STXBP5L: variants seen among roughly 807,000 people sequenced by gnomAD.
The protein encoded by STXBP5L is syntaxin binding protein 5L.
STXBP5L carries 65 observed loss-of-function variants against 144.5 expected under a neutral mutation model. The observed-to-expected ratio is 0.45, with a 90% CI of 0.37 to 0.55. The LOEUF (loss-of-function observed/expected upper bound fraction) is 0.55, where lower values mean the gene tolerates loss of function less well. STXBP5L is among the 20% of genes least tolerant of loss of function. The pLI is 0.00. For missense variants in STXBP5L, 1,298 were observed against 1,405.5 expected (o/e 0.92, Z 1.22); for synonymous variants, 505 against 469.6 (o/e 1.08, Z -0.97).
At chr3:121,212,801 G>A (rs539982760) in intron 10 of STXBP5L, among the ~76,000 whole-genome samples, 1 of 152,228 alleles carries the variant, frequency 6.6e-6, no homozygotes, top group South Asian at 2.1e-4. Flanking sequence ...AAAGTATTTT[G>A]AGCAGTGTGG....
At chr3:121,127,921 G>A (rs59839814) in intron 7 of STXBP5L, among the ~76,000 whole-genome samples, 183 of 151,884 alleles carry the variant, frequency 1.2e-3, no homozygotes, top group African/African-American at 4.2e-3. Flanking sequence ...TAATTTCCTC[G>A]TATGATGATG....
At chr3:121,209,385 A>G (rs1314316903) in intron 10 of STXBP5L, among the ~76,000 whole-genome samples, 1 of 151,944 alleles carries the variant, frequency 6.6e-6, no homozygotes, top group Non-Finnish European at 1.5e-5. Flanking sequence ...TACACTCCCA[A>G]CAACACTGTA....
intron 22 of STXBP5L, among the ~76,000 whole-genome samples, chr3:121,389,931 T>C (rs1260565979): frequency 6.6e-6 from 1 of 152,216 alleles, no homozygotes; most frequent in Non-Finnish European, 1.5e-5. Context: ...GTTCAAGTCC[T>C]GGATATCCTT....
chr3:120,973,740 G>A (rs1044155122), intron 3 of STXBP5L, among the ~76,000 whole-genome samples: 4 of 140,316 alleles, frequency 2.9e-5, no homozygotes, highest in Non-Finnish European at 6.0e-5. Context: ...TCCCCTTCCT[G>A]TGTCCATGTG....
At chr3:121,067,703 C>T (rs28790007) in intron 5 of STXBP5L, among the ~76,000 whole-genome samples, 1 of 152,020 alleles carries the variant, frequency 6.6e-6, no homozygotes, top group Non-Finnish European at 1.5e-5. Context: ...TAAGAGAGGA[C>T]CGTTAAAAGC....
chr3:121,246,678 A>G (rs1159488433), intron 14 of STXBP5L, among the ~76,000 whole-genome samples: 1 of 152,210 alleles, frequency 6.6e-6, no homozygotes, highest in Non-Finnish European at 1.5e-5. Flanking sequence ...AAAACTGAAA[A>G]CAACCCAAAT....
At chr3:121,087,185 A>G (rs931135135) in intron 5 of STXBP5L, among the ~76,000 whole-genome samples, 2 of 152,104 alleles carry the variant, frequency 1.3e-5, no homozygotes, top group African/African-American at 4.8e-5. Flanking sequence ...ATTCTGTAAA[A>G]GTTGATTAGA....
At chr3:121,228,516 G>A (rs2049194294) in intron 11 of STXBP5L, among the ~76,000 whole-genome samples, 1 of 152,198 alleles carries the variant, frequency 6.6e-6, no homozygotes, top group African/African-American at 2.4e-5. Flanking sequence ...TTGTAATTCA[G>A]AGGATGGTTG....
rs551072721 is a variant in STXBP5L at position 121,283,780 on chromosome 3, A to T, written c.2110+3824A>T. ...ACCCATCCTCTGCACCACATAAAGG[A>T]TTTCAGCCAAAACCTTTCTGTAAAT... On this transcript the variant is annotated intron_variant, in intron 19 of 26. Transcript: ENST00000471454. 4.6e-5 allele frequency among the ~76,000 whole-genome samples: 7 copies of T among 151,994 alleles called. No homozygotes were observed. The South Asian group carries it at 1.5e-3, about 32-fold the overall frequency.
chr3:120,969,709 T>G (rs1234179598), intron 3 of STXBP5L, among the ~76,000 whole-genome samples: 4 of 152,218 alleles, frequency 2.6e-5, no homozygotes, highest in Admixed American at 6.5e-5. Flanking sequence ...TATATTGACT[T>G]GATTTTTGTG....
At chr3:121,372,744 C>T (rs1256338962) in intron 20 of STXBP5L, among the ~76,000 whole-genome samples, 10 of 152,022 alleles carry the variant, frequency 6.6e-5, no homozygotes, top group African/African-American at 2.2e-4. Flanking sequence ...ATCCTGGTCT[C>T]TTGGTGGGAG....
intron 9 of STXBP5L, among the ~76,000 whole-genome samples, chr3:121,171,882 CT>C (rs1420670516): frequency 6.6e-6 from 1 of 152,158 alleles, no homozygotes; most frequent in Non-Finnish European, 1.5e-5. Flanking sequence ...AAAAAAGAGC[CT>C]GTATAGCCAA....
chr3:120,981,698 C>T (rs942020289), intron 3 of STXBP5L, among the ~76,000 whole-genome samples: 3 of 152,120 alleles, frequency 2.0e-5, no homozygotes, highest in African/African-American at 7.2e-5. Flanking sequence ...TGAATAAGAT[C>T]CATTGCTAGA....
At chr3:121,328,484 C>CA (rs1223948278) in intron 20 of STXBP5L, among the ~76,000 whole-genome samples, 2 of 152,150 alleles carry the variant, frequency 1.3e-5, no homozygotes, top group African/African-American at 4.8e-5. Flanking sequence ...CCTGGTGGCT[C>CA]ACGCTTGTAA....
chr3:121,375,903 A>G (rs2046168832), intron 20 of STXBP5L, among the ~76,000 whole-genome samples: 1 of 152,216 alleles, frequency 6.6e-6, no homozygotes, highest in African/African-American at 2.4e-5. Context: ...TATTCTATGT[A>G]TTGCTGAACT....
intron 19 of STXBP5L, among the ~76,000 whole-genome samples, chr3:121,293,968 A>G (rs2051547912): frequency 6.6e-6 from 1 of 152,258 alleles, no homozygotes; most frequent in Non-Finnish European, 1.5e-5. Context: ...GTCATGCGGA[A>G]GAGAAAAAGT....
intron 9 of STXBP5L, among the ~76,000 whole-genome samples, chr3:121,197,064 A>G (rs1016501910): frequency 6.6e-6 from 1 of 152,088 alleles, no homozygotes; most frequent in Non-Finnish European, 1.5e-5. Flanking sequence ...GCATTGCTTA[A>G]GCTGCATACT....
intron 19 of STXBP5L, among the ~76,000 whole-genome samples, chr3:121,284,393 C>T (rs2051163004): frequency 6.6e-6 from 1 of 152,020 alleles, no homozygotes; most frequent in Non-Finnish European, 1.5e-5. Flanking sequence ...CCTGTTGTGC[C>T]AATTCCTTTA....
At chr3:120,986,727 G>A (rs891552683) in intron 3 of STXBP5L, among the ~76,000 whole-genome samples, 49 of 151,844 alleles carry the variant, frequency 3.2e-4, no homozygotes, top group African/African-American at 1.1e-3. Flanking sequence ...TGATGTATAA[G>A]CAAAATGGAA....
Sources: gnomAD v4.1 joint callset for allele counts (sites outside exome capture counted in the v4.1 genomes callset) on GRCh38, gnomAD v4.1.1 for gene constraint, MANE v1.5 for transcripts, NCBI Gene and HGNC (gene_info 2026-07-23, HGNC 2026-07-21) for gene names.